Variants in DLC1 observed in about 807,000 individuals in gnomAD.
The protein encoded by DLC1 is DLC1 Rho GTPase activating protein.
A neutral mutation model predicts 140.3 loss-of-function variants in DLC1; 54 were observed. The ratio of observed to expected loss-of-function variants is 0.38; its 90% CI spans 0.31 to 0.48. DLC1 has a LOEUF of 0.48. Ranked by LOEUF, DLC1 falls within the 20% of genes least tolerant of loss-of-function variation. The pLI, the probability that DLC1 is intolerant of heterozygous loss-of-function variation, is 0.96. For synonymous variants in DLC1, 986 were observed against 728.1 expected, an observed-to-expected ratio of 1.35 and a Z score of -5.70; for missense variants, 2,536 against 1,907.0, an observed-to-expected ratio of 1.33 and a Z score of -6.14.
intron 5 of DLC1, chr8:13,116,115 C>A: frequency 1.0e-6 from 1 of 982,100 alleles, no homozygotes; most frequent in Non-Finnish European, 1.2e-6. Flanking sequence ...TTTCTGACAC[C>A]CAGGGGTTGG....
chr8:13,471,497 CAGGGAAAGG>C (rs775779877), intron 2 of DLC1, among the ~76,000 whole-genome samples: 13 of 115,518 alleles, frequency 1.1e-4, no homozygotes, highest in Admixed American at 4.3e-4. Flanking sequence ...GGAAGGGAGG[CAGGGAAAGG>C]AGGGAGGGAA....
chr8:13,413,993 T>C (rs889550513), intron 2 of DLC1, among the ~76,000 whole-genome samples: 1 of 152,064 alleles, frequency 6.6e-6, no homozygotes, highest in South Asian at 2.1e-4. Flanking sequence ...AAGTACATGA[T>C]GGTGAATTAT....
At chr8:13,382,505 C>G (rs1329491967) in intron 4 of DLC1, among the ~76,000 whole-genome samples, 1 of 35,508 alleles carries the variant, frequency 2.8e-5, no homozygotes, top group African/African-American at 1.3e-4. Flanking sequence ...GACTCCGTCT[C>G]AAAAAAAAAA....
At chr8:13,263,814 G>A (rs1830567238) in intron 5 of DLC1, among the ~76,000 whole-genome samples, 1 of 151,226 alleles carries the variant, frequency 6.6e-6, no homozygotes, top group African/African-American at 2.4e-5. Flanking sequence ...TGTAATATAT[G>A]TTGAACTTTG....
intron 5 of DLC1, among the ~76,000 whole-genome samples, chr8:13,246,008 T>A (rs1309334847): frequency 6.6e-6 from 1 of 152,104 alleles, no homozygotes; most frequent in African/African-American, 2.4e-5. Flanking sequence ...AGCCACAAAC[T>A]ATTTTAAAAT....
intron 1 of DLC1, among the ~76,000 whole-genome samples, chr8:13,551,305 C>T (rs989381138): frequency 7.9e-5 from 12 of 152,024 alleles, no homozygotes; most frequent in African/African-American, 2.9e-4. Context: ...TATGTGCACA[C>T]ATATCTCTGG....
intron 2 of DLC1, among the ~76,000 whole-genome samples, chr8:13,453,802 T>G (rs548159014): frequency 3.9e-5 from 6 of 151,922 alleles, no homozygotes; most frequent in African/African-American, 7.2e-5. Flanking sequence ...TATAACGATG[T>G]CTTCTTTATG....
chr8:13,229,989 A>G (rs1419257698), intron 5 of DLC1, among the ~76,000 whole-genome samples: 1 of 152,192 alleles, frequency 6.6e-6, no homozygotes, highest in Non-Finnish European at 1.5e-5. Flanking sequence ...TAAAAAGAAA[A>G]CAGATGCACA....
chr8:13,128,202 T>A (rs1288712158), intron 5 of DLC1, among the ~76,000 whole-genome samples: 1 of 152,220 alleles, frequency 6.6e-6, no homozygotes, highest in Non-Finnish European at 1.5e-5. Flanking sequence ...GGCATTCACA[T>A]ATTTTCAGTC....
At chr8:13,115,485 T>G in intron 6 of DLC1, 101 bp downstream of exon 6, 1 of 1,146,502 alleles carries the variant, frequency 8.7e-7, no homozygotes, top group South Asian at 1.7e-5. Flanking sequence ...AATAAAACAT[T>G]TAAACGATAA....
chr8:13,594,655 C>T (rs922609259), intron 1 of DLC1, among the ~76,000 whole-genome samples: 1 of 152,034 alleles, frequency 6.6e-6, no homozygotes, highest in African/African-American at 2.4e-5. Context: ...AGACAATATC[C>T]TGAAAACCTT....
At chr8:13,215,543 G>C (rs189968472) in intron 5 of DLC1, among the ~76,000 whole-genome samples, 1 of 152,094 alleles carries the variant, frequency 6.6e-6, no homozygotes, top group Non-Finnish European at 1.5e-5. Flanking sequence ...CCAAGATCAC[G>C]CCACTGCACT....
chr8:13,183,079 C>T (rs946159632), intron 5 of DLC1, among the ~76,000 whole-genome samples: 16 of 152,178 alleles, frequency 1.1e-4, no homozygotes, highest in African/African-American at 3.9e-4. Context: ...CTCTTTGTAG[C>T]AATTGTGAAT....
At chr8:13,375,915 A>G (rs959032374) in intron 4 of DLC1, among the ~76,000 whole-genome samples, 10 of 152,192 alleles carry the variant, frequency 6.6e-5, no homozygotes. Flanking sequence ...TATAGTCAAC[A>G]TCGGCTACAA....
chr8:13,438,496 T>C (rs1390354260), intron 2 of DLC1, among the ~76,000 whole-genome samples: 2 of 152,124 alleles, frequency 1.3e-5, no homozygotes, highest in Admixed American at 6.5e-5. Flanking sequence ...CTCAGAATAA[T>C]TCAACGCCTT....
chr8:13,096,863 G>A (rs1187966234), intron 10 of DLC1, among the ~76,000 whole-genome samples: 1 of 152,172 alleles, frequency 6.6e-6, no homozygotes, highest in African/African-American at 2.4e-5. Flanking sequence ...ATATGGTAGT[G>A]TGCGACTGGA....
chr8:13,432,636 G>C (rs1210915736), intron 2 of DLC1, among the ~76,000 whole-genome samples: 1 of 152,204 alleles, frequency 6.6e-6, no homozygotes, highest in African/African-American at 2.4e-5. Context: ...CATAGGAAGA[G>C]GAGTAGGGAA....
chr8:13,603,319 A>G (rs971137448), intron 1 of DLC1, among the ~76,000 whole-genome samples: 8 of 151,934 alleles, frequency 5.3e-5, no homozygotes, highest in African/African-American at 1.9e-4. Context: ...AGTCTTGGTA[A>G]TATTAAAATG....
chr8:13,150,889 C>G (rs1475066292), intron 5 of DLC1, among the ~76,000 whole-genome samples: 3 of 152,176 alleles, frequency 2.0e-5, no homozygotes, highest in African/African-American at 4.8e-5. Flanking sequence ...AATGCATGAG[C>G]CTTCATAAGT....
Sources: gnomAD v4.1 joint callset for allele counts (sites outside exome capture counted in the v4.1 genomes callset) on GRCh38, gnomAD v4.1.1 for gene constraint, MANE v1.5 for transcripts, NCBI Gene and HGNC (gene_info 2026-07-23, HGNC 2026-07-21) for gene names.